Variants in CEMIP2 observed in about 807,000 individuals in gnomAD.
The protein encoded by CEMIP2 is cell surface hyaluronidase CEMIP2.
A neutral mutation model predicts 146.9 loss-of-function variants in CEMIP2; 79 were observed. The observed-to-expected ratio is 0.54, with a 90% CI of 0.45 to 0.65. The LOEUF is 0.65. Among genes scored for constraint, CEMIP2 ranks in the 30% least tolerant of loss-of-function variants. The pLI, the probability that CEMIP2 is intolerant of heterozygous loss-of-function variation, is 0.00. For missense variants in CEMIP2, 1,596 were observed against 1,696.2 expected, an observed-to-expected ratio of 0.94 and a Z score of 1.04; for synonymous variants, 601 against 606.3, an observed-to-expected ratio of 0.99 and a Z score of 0.13.
At chr9:71,695,519 A>G (rs1822371240) in intron 20 of CEMIP2, among the ~76,000 whole-genome samples, 1 of 152,084 alleles carries the variant, frequency 6.6e-6, no homozygotes, top group Admixed American at 6.6e-5. Flanking sequence ...TATTAAAAAT[A>G]CAAAAATCAG....
chr9:71,723,920 T>C (rs1455442515), intron 11 of CEMIP2, among the ~76,000 whole-genome samples: 2 of 152,170 alleles, frequency 1.3e-5, no homozygotes, highest in African/African-American at 4.8e-5. Flanking sequence ...TTTCCAAATT[T>C]AACAAATTAA....
rs766281723 is a variant in CEMIP2 at position 71,734,901 on chromosome 9, A to G, written c.1298T>C (p.Ile433Thr). Residue 433 changes from isoleucine to threonine, a missense_variant, in exon 6 of 24, where the codon ATT (isoleucine) becomes ACT (threonine). Transcript: ENST00000377044. ...DVSSWKPGDQ[I>T]VVASTDYSMY... is the part of the protein sequence containing the mutation. ...GGAATAGTCTGTGCTTGCGACCACA[A>G]TCTGGTCTCCAGGTTTCCAACTACT... 61 of 1,613,842 alleles carry G rather than the reference A, an allele frequency of 3.8e-5. No individual in the cohort carries two copies. The Admixed American group carries it at 4.7e-4, about 12-fold the overall frequency.
At chr9:71,703,189 G>C (rs1822625166) in intron 18 of CEMIP2, among the ~76,000 whole-genome samples, 1 of 152,170 alleles carries the variant, frequency 6.6e-6, no homozygotes, top group South Asian at 2.1e-4. Flanking sequence ...AAACACTGTG[G>C]GTAGAAAGAA....
chr9:71,704,600 G>A lies in CEMIP2; in HGVS notation c.3189C>T (p.Phe1063=). 2.5e-6 allele frequency: 4 copies of A among 1,614,094 alleles called. No homozygotes were observed. The highest frequency in any genetic ancestry group is 3.4e-6 in the Non-Finnish European group (4 of 1,179,944). The change falls in exon 18 of 24, where the codon TTC becomes TTT. Residue 1063 remains phenylalanine, a synonymous_variant. Coordinates refer to ENST00000377044, the MANE Select transcript of CEMIP2 (RefSeq NM_013390.3). ...TAACAGTAACAGAAACATACTTGTT[G>A]AAGTTGACGAGGTATAGAAATGTAG... ...PRTTFLYLVN[F]NKNDWIRVGL... is the part of the protein sequence containing the mutation.
At chr9:71,695,418 T>C (rs1004441247) in intron 20 of CEMIP2, among the ~76,000 whole-genome samples, 4 of 152,176 alleles carry the variant, frequency 2.6e-5, no homozygotes, top group African/African-American at 9.6e-5. Flanking sequence ...TTCATGCCTG[T>C]AATCCCAGCG....
chr9:71,715,524 T>C (rs997142765), intron 14 of CEMIP2, among the ~76,000 whole-genome samples: 4 of 150,538 alleles, frequency 2.7e-5, no homozygotes, highest in Non-Finnish European at 4.4e-5. Context: ...GGATTATAGT[T>C]ATGAGCCATC....
Position 71,718,075 on chromosome 9 carries a change from G to A in CEMIP2, c.2272C>T (p.Arg758Ter), listed in dbSNP as rs746389869. The A allele has an allele frequency of 1.0e-5, 16 of 1,603,718 alleles. No homozygotes were observed. Among genetic ancestry groups the A allele is most frequent in the Non-Finnish European group, 9.4e-6 (11 of 1,174,910 alleles). ...YLCLDNSARF[R>*]PHQDANPEKP... ...TCGGGGTTTGCATCCTGATGAGGTC[G>A]AAATCTAGGGGTTAAAAAAAGAATT... is the stretch of plus-strand genomic sequence containing the variant. Residue 758 changes from arginine (R) to a stop codon, truncating the protein, a stop_gained, in exon 13 of 24, where the codon CGA (arginine) becomes TGA (stop). Transcript: ENST00000377044. LOFTEE classifies it high-confidence loss of function.
chr9:71,715,706 C>T (rs1311555898), intron 14 of CEMIP2, among the ~76,000 whole-genome samples: 1 of 145,612 alleles, frequency 6.9e-6, no homozygotes, highest in African/African-American at 2.5e-5. Flanking sequence ...GAGCAGCAAC[C>T]TTGAACTCGA....
intron 2 of CEMIP2, among the ~76,000 whole-genome samples, chr9:71,748,527 C>T (rs998636067): frequency 2.0e-5 from 3 of 152,166 alleles, no homozygotes; most frequent in African/African-American, 7.2e-5. Context: ...TATGAAAACA[C>T]CAATCAAAGC....
intron 4 of CEMIP2, among the ~76,000 whole-genome samples, chr9:71,744,585 C>T (rs1168248598): frequency 6.6e-6 from 1 of 152,100 alleles, no homozygotes; most frequent in Non-Finnish European, 1.5e-5. Context: ...CATATTCTAC[C>T]CCCTCAGCCT....
At position 71,704,692 on chromosome 9, in the gene CEMIP2, G is replaced by A; in HGVS notation, c.3097C>T (p.Gln1033Ter). ...TCCAGCATGACGACAGGCTGGTACTGTGGAAAGGCAGCCTTCTGATTAATA... is the reference window on the plus strand; with the variant it reads ...TCCAGCATGACGACAGGCTGGTACTATGGAAAGGCAGCCTTCTGATTAATA... ...RGINQKAAFP[Q>*]YQPVVMLEKG... The change falls in exon 18 of 24, where the codon CAG (glutamine) becomes TAG (stop). Residue 1033 changes from glutamine to a stop codon, truncating the protein, a stop_gained. Transcript: ENST00000377044. LOFTEE classifies it high-confidence loss of function. 1 of 1,614,168 alleles carries A rather than the reference G, an allele frequency of 6.2e-7. No homozygotes were observed. Among genetic ancestry groups the A allele is most frequent in the Non-Finnish European group, 8.5e-7 (1 of 1,180,016 alleles).
rs779470065 is a variant in CEMIP2, at chr9:71,734,876, G to A, written c.1323C>T (p.Ser441=). The A allele has an allele frequency of 6.2e-7, 1 of 1,613,956 alleles. No homozygotes were observed. The highest frequency in any genetic ancestry group is 1.1e-5 in the South Asian group (1 of 91,060). ...DQIVVASTDY[S]MYQAEEFTLL... ...GAGTGAACTCCTCTGCTTGGTACAT[G>A]GAATAGTCTGTGCTTGCGACCACAA... The change falls in exon 6 of 24, where the codon TCC becomes TCT. Residue 441 remains serine, a synonymous_variant. Coordinates refer to ENST00000377044, the MANE Select transcript of CEMIP2 (RefSeq NM_013390.3).
intron 14 of CEMIP2, among the ~76,000 whole-genome samples, chr9:71,715,955 T>C (rs1241398738): frequency 2.6e-5 from 4 of 152,028 alleles, no homozygotes; most frequent in Non-Finnish European, 5.9e-5. Context: ...GATTTACAAA[T>C]TATATATAAA....
intron 17 of CEMIP2, among the ~76,000 whole-genome samples, chr9:71,706,011 T>C (rs1822723509): frequency 6.6e-6 from 1 of 151,910 alleles, no homozygotes; most frequent in African/African-American, 2.4e-5. Context: ...GGCAGATCCC[T>C]GGCGGTCAGG....
chr9:71,710,272 T>C (rs562890829), intron 16 of CEMIP2, among the ~76,000 whole-genome samples: 1 of 152,332 alleles, frequency 6.6e-6, no homozygotes, highest in Non-Finnish European at 1.5e-5. Context: ...CAGTAAATTA[T>C]ATAATACCAA....
rs1211633451 is a variant in CEMIP2, at chr9:71,698,221, C to A, written c.3378-17G>T. 1.2e-6 allele frequency: 2 copies of A among 1,610,432 alleles called. No individual in the cohort carries two copies. Among genetic ancestry groups the A allele is most frequent in the Non-Finnish European group, 1.7e-6 (2 of 1,177,228 alleles). On this transcript the variant is annotated splice_polypyrimidine_tract_variant and intron_variant, in intron 19 of 23. Coordinates refer to ENST00000377044, the MANE Select transcript of CEMIP2 (RefSeq NM_013390.3). ...AACAGTAACCTGCACAAAACAGAAA[C>A]CAATCCATGTAGTTAGACTTATTCT...
intron 19 of CEMIP2, 167 bp from the exon 20 acceptor site, chr9:71,698,371 A>C: frequency 1.6e-6 from 1 of 616,790 alleles, no homozygotes. Context: ...CTATCCTTCA[A>C]GGGTCCTAAG....
At chr9:71,755,381 A>ACAC (rs55856832) in intron 1 of CEMIP2, among the ~76,000 whole-genome samples, 1 of 149,134 alleles carries the variant, frequency 6.7e-6, no homozygotes, top group Non-Finnish European at 1.5e-5. Context: ...ACACACACAC[A>ACAC]AAATTAAATC....
intron 11 of CEMIP2, among the ~76,000 whole-genome samples, chr9:71,724,804 T>C (rs796861803): frequency 5.3e-5 from 8 of 152,300 alleles, no homozygotes; most frequent in African/African-American, 1.9e-4. Context: ...TAGGACACTC[T>C]ACCAGCCACT....
Sources: gnomAD v4.1 joint callset for allele counts (sites outside exome capture counted in the v4.1 genomes callset) on GRCh38, gnomAD v4.1.1 for gene constraint, MANE v1.5 for transcripts, NCBI Gene and HGNC (gene_info 2026-07-23, HGNC 2026-07-21) for gene names.